The following FSHR variants were observed in gnomAD, a reference collection of about 807,000 sequenced individuals.
The protein encoded by FSHR is follicle stimulating hormone receptor.
Under a neutral mutation model 52.1 loss-of-function variants are expected in FSHR, and 46 were observed. That is an observed-to-expected ratio of 0.88 (90% CI 0.70 to 1.13). The LOEUF (loss-of-function observed/expected upper bound fraction) is 1.13. Among genes scored for constraint, FSHR ranks in the 50% most tolerant of loss-of-function variants. The pLI, the probability that FSHR is intolerant of heterozygous loss-of-function variation, is 0.00. For missense variants in FSHR, 964 were observed against 834.6 expected, an observed-to-expected ratio of 1.16 and a Z score of -1.91; for synonymous variants, 399 against 309.6, an observed-to-expected ratio of 1.29 and a Z score of -3.03.
chr2:49,118,297 G>C (rs542777182), intron 1 of FSHR, among the ~76,000 whole-genome samples: 24 of 152,224 alleles, frequency 1.6e-4, no homozygotes, highest in African/African-American at 5.8e-4. Flanking sequence ...AAGGCAAGAG[G>C]CTTCTGTGAG....
At chr2:49,038,116 G>A (rs1446678113) in intron 2 of FSHR, among the ~76,000 whole-genome samples, 2 of 152,166 alleles carry the variant, frequency 1.3e-5, no homozygotes, top group African/African-American at 4.8e-5. Context: ...TCAGATTTAT[G>A]AGTTCATTAA....
At position 49,135,138 on chromosome 2, in the gene FSHR, A is replaced by G. The variant is rs147143404; in HGVS notation, c.152+19128T>C. Reference sequence around the variant, plus strand: ...GACCTAACAGACATGTATATAGAAGAGTTAATTCAACAATAGGAGATACAC... The same window carrying G: ...GACCTAACAGACATGTATATAGAAGGGTTAATTCAACAATAGGAGATACAC... On this transcript the variant is annotated intron_variant, in intron 1 of 9. Transcript: ENST00000406846. 3.9e-5 allele frequency among the ~76,000 whole-genome samples: 6 copies of G among 152,278 alleles called. No individual in the cohort carries two copies. In the East Asian group the frequency reaches 1.2e-3, roughly 29 times the overall value.
In FSHR at chr2:49,014,290, T is replaced by A. The variant is rs541941548; in HGVS notation, c.374+3199A>T. Among the ~76,000 whole-genome samples, 6 of 152,262 alleles carry A rather than the reference T, an allele frequency of 3.9e-5. No individual in the cohort carries two copies. In the South Asian group the frequency reaches 1.2e-3, roughly 32 times the overall value. On this transcript the variant is annotated intron_variant, in intron 4 of 9. Coordinates refer to ENST00000406846, the MANE Select transcript of FSHR (RefSeq NM_000145.4). The stretch of plus-strand genomic sequence containing the variant: ...GTTTAAAATGCCCTGAGAACAATAA[T>A]CTTCTCTCAGAAAAAGATGTGTCTG...
intron 2 of FSHR, among the ~76,000 whole-genome samples, chr2:49,040,422 AT>A (rs60323129): frequency 0.011 from 1,685 of 152,152 alleles, 27 homozygotes; most frequent in African/African-American, 0.036. Flanking sequence ...AAGTTACTCA[AT>A]TTTTTAAAAA....
chr2:49,141,728 T>A (rs938317371), intron 1 of FSHR, among the ~76,000 whole-genome samples: 5 of 152,138 alleles, frequency 3.3e-5, no homozygotes, highest in African/African-American at 1.2e-4. Flanking sequence ...ATAAGTTCTG[T>A]ATTAAAGATG....
At chr2:48,973,993 G>C (rs7594937) in intron 8 of FSHR, among the ~76,000 whole-genome samples, 40,974 of 152,082 alleles carry the variant, frequency 0.27, 9,001 homozygotes, top group African/African-American at 0.61. Flanking sequence ...GAAATCTATT[G>C]AGTAAGTAGT....
At chr2:49,000,071 T>C (rs1342652421) in intron 4 of FSHR, among the ~76,000 whole-genome samples, 1 of 152,108 alleles carries the variant, frequency 6.6e-6, no homozygotes. Context: ...AAGTTCACAA[T>C]ACACAAAATC....
intron 2 of FSHR, among the ~76,000 whole-genome samples, chr2:49,032,665 A>G (rs1329658643): frequency 6.6e-6 from 1 of 152,204 alleles, no homozygotes; most frequent in Non-Finnish European, 1.5e-5. Flanking sequence ...GCTAGTGAAG[A>G]ATAATAAGGC....
At chr2:48,964,519 A>G (rs1185250979) in intron 9 of FSHR, among the ~76,000 whole-genome samples, 1 of 152,132 alleles carries the variant, frequency 6.6e-6, no homozygotes, top group Non-Finnish European at 1.5e-5. Flanking sequence ...GAGGCCAGCT[A>G]ATTTGCCGGA....
intron 1 of FSHR, among the ~76,000 whole-genome samples, chr2:49,144,784 A>G (rs536890628): frequency 1.8e-4 from 27 of 152,216 alleles, no homozygotes; most frequent in African/African-American, 6.5e-4. Context: ...GACTGTGGGT[A>G]CCTGCTCAGG....
At chr2:49,092,015 C>T (rs999907828) in intron 1 of FSHR, among the ~76,000 whole-genome samples, 2 of 152,180 alleles carry the variant, frequency 1.3e-5, no homozygotes, top group Non-Finnish European at 2.9e-5. Flanking sequence ...CACAGTATGG[C>T]TTTCCATTAA....
chr2:49,129,306 G>T (rs554185855), intron 1 of FSHR, among the ~76,000 whole-genome samples: 6 of 152,092 alleles, frequency 3.9e-5, no homozygotes, highest in African/African-American at 1.4e-4. Context: ...AGCCAGGCCA[G>T]ATAGCCTGAT....
At chr2:49,020,854 C>T (rs538713084) in intron 2 of FSHR, among the ~76,000 whole-genome samples, 4 of 152,224 alleles carry the variant, frequency 2.6e-5, no homozygotes, top group East Asian at 1.9e-4. Flanking sequence ...AGCCAAACAC[C>T]GCATATTCTC....
intron 1 of FSHR, among the ~76,000 whole-genome samples, chr2:49,143,171 G>C (rs1340586419): frequency 1.3e-5 from 2 of 152,136 alleles, no homozygotes; most frequent in African/African-American, 2.4e-5. Context: ...CCAACATCTA[G>C]AGGCTGAGAA....
At chr2:49,015,045 T>A in intron 4 of FSHR, 1 of 321,134 alleles carries the variant, frequency 3.1e-6, no homozygotes, top group Non-Finnish European at 6.1e-6. Flanking sequence ...TAGTTCTTTA[T>A]AGTTTTTATA....
chr2:48,987,180 A>G (rs1675550371), intron 6 of FSHR, among the ~76,000 whole-genome samples: 1 of 151,616 alleles, frequency 6.6e-6, no homozygotes, highest in Non-Finnish European at 1.5e-5. Flanking sequence ...AGCTCTTTGT[A>G]TTATTATTTT....
At chr2:49,147,198 A>G (rs1355364808) in intron 1 of FSHR, among the ~76,000 whole-genome samples, 1 of 152,080 alleles carries the variant, frequency 6.6e-6, no homozygotes, top group Non-Finnish European at 1.5e-5. Flanking sequence ...GGTCAGATTA[A>G]GAACAAACAT....
At chr2:49,001,955 G>A (rs1224534344) in intron 4 of FSHR, among the ~76,000 whole-genome samples, 1 of 152,106 alleles carries the variant, frequency 6.6e-6, no homozygotes, top group East Asian at 1.9e-4. Flanking sequence ...GGTAACTTGG[G>A]TGAACAGAAT....
intron 2 of FSHR, among the ~76,000 whole-genome samples, chr2:49,053,749 G>C (rs1243063131): frequency 6.6e-6 from 1 of 152,196 alleles, no homozygotes; most frequent in Non-Finnish European, 1.5e-5. Context: ...AGGAGGCTGG[G>C]TTAAACTGGG....
Sources: allele counts gnomAD v4.1 joint callset (sites outside exome capture counted in the v4.1 genomes callset), GRCh38; gene constraint gnomAD v4.1.1; transcripts MANE v1.5; gene names NCBI Gene and HGNC (gene_info 2026-07-23, HGNC 2026-07-21).